Variants in AKT3 observed in about 807,000 individuals in gnomAD.
AKT3 encodes AKT serine/threonine kinase 3.
AKT3 carries 15 observed loss-of-function variants against 65.3 expected under a neutral mutation model. The observed-to-expected ratio is 0.23, with a 90% CI of 0.15 to 0.35. The LOEUF is 0.35. Ranked by LOEUF, AKT3 falls within the 10% of genes least tolerant of loss-of-function variation. The pLI is 1.00. For missense variants in AKT3, 243 were observed against 576.5 expected (o/e 0.42, Z 5.92); for synonymous variants, 206 against 183.8 (o/e 1.12, Z -0.98).
intron 2 of AKT3, among the ~76,000 whole-genome samples, chr1:243,753,120 C>T (rs1278047413): frequency 6.6e-6 from 1 of 152,170 alleles, no homozygotes; most frequent in East Asian, 1.9e-4. Context: ...CCTATATCAC[C>T]ATCCGATTTC....
At chr1:243,595,922 C>T (rs945374557) in intron 8 of AKT3, among the ~76,000 whole-genome samples, 1 of 152,136 alleles carries the variant, frequency 6.6e-6, no homozygotes, top group Non-Finnish European at 1.5e-5. Flanking sequence ...CATGTACTAT[C>T]ACAATCAAGT....
chr1:243,670,660 TA>T (rs1323513579), intron 3 of AKT3, among the ~76,000 whole-genome samples: 3 of 152,222 alleles, frequency 2.0e-5, no homozygotes, highest in Non-Finnish European at 2.9e-5. Flanking sequence ...ATCAGTAAAG[TA>T]AATGTGCTTA....
intron 2 of AKT3, among the ~76,000 whole-genome samples, chr1:243,733,899 T>C (rs74151209): frequency 0.01 from 1,554 of 152,308 alleles, 21 homozygotes; most frequent in African/African-American, 0.036. Flanking sequence ...AAATGCAATA[T>C]GTGCAAAGTG....
chr1:243,661,280 A>T (rs1019285374), intron 4 of AKT3, among the ~76,000 whole-genome samples: 66 of 152,352 alleles, frequency 4.3e-4, no homozygotes, highest in Admixed American at 6.5e-4. Context: ...ACAAAGCTGG[A>T]GGCATCATGC....
rs1179175188 is a variant in AKT3, at chr1:243,693,062, A to G, written c.172+2529T>C. On this transcript the variant is annotated intron_variant, in intron 3 of 13. Transcript: ENST00000673466. Reference sequence around the variant, plus strand: ...TAAATCAGGAGGGAAGCAATTCAAAATTTAATTAAGATTGGAAGTTCTCAA... The same window carrying G: ...TAAATCAGGAGGGAAGCAATTCAAAGTTTAATTAAGATTGGAAGTTCTCAA... Among the ~76,000 whole-genome samples, 9 of 151,458 alleles carry G rather than the reference A, an allele frequency of 5.9e-5. No individual in the cohort carries two copies. In the South Asian group the frequency reaches 1.2e-3, roughly 21 times the overall value.
chr1:243,770,522 G>A lies in AKT3; in HGVS notation c.46+72603C>T, dbSNP rs966869335. On this transcript the variant is annotated intron_variant, in intron 2 of 13. Transcript: ENST00000673466. Reference sequence around the variant, plus strand: ...CCAATGTGCCTGTCTGGGAGAAGCTGCATGTATATGAGAAGACAGAGATAG... The same window carrying A: ...CCAATGTGCCTGTCTGGGAGAAGCTACATGTATATGAGAAGACAGAGATAG... 2.6e-5 allele frequency among the ~76,000 whole-genome samples: 4 copies of A among 152,038 alleles called. No individual in the cohort carries two copies. The East Asian group carries it at 5.8e-4, about 22-fold the overall frequency.
At chr1:243,563,212 T>C (rs1334662916) in intron 10 of AKT3, among the ~76,000 whole-genome samples, 2 of 152,194 alleles carry the variant, frequency 1.3e-5, no homozygotes, top group African/African-American at 2.4e-5. Flanking sequence ...TAATAAATTA[T>C]TGTGGAACCC....
chr1:243,573,197 C>T, intron 8 of AKT3, 149 bp from the exon 9 acceptor site: 1 of 892,458 alleles, frequency 1.1e-6, no homozygotes, highest in South Asian at 3.2e-5. Flanking sequence ...CAGCAGCTGG[C>T]TTATCTTTTC....
Position 243,766,091 on chromosome 1 carries a change from G to T in AKT3, c.47-70375C>A, listed in dbSNP as rs185325516. ...TGTGCCTGTATTCTCAAAACTTATT[G>T]TAAGTCTGGCACAGAGTAAGTTTGA... On this transcript the variant is annotated intron_variant, in intron 2 of 13. Transcript: ENST00000673466. Among the ~76,000 whole-genome samples the T allele has an allele frequency of 1.5e-3, 233 of 152,208 alleles. 3 individuals carry two copies. Among genetic ancestry groups the T allele is most frequent in the South Asian group, 9.6e-3 (46 of 4,816 alleles).
chr1:243,850,045 A>ACGGCGG lies in AKT3; in HGVS notation c.-124_-119dup, dbSNP rs530666483. ...TTGGGGGCGGTGGCTGTTACCTGCA[A>ACGGCGG]CGGCGGCGGCGGCGGTGGCGGCCCC... On this transcript the variant is annotated 5_prime_UTR_variant, in exon 1 of 14. Transcript: ENST00000673466. The ACGGCGG allele has an allele frequency of 1.3e-3, 1,298 of 981,010 alleles. 1 individual carries two copies. The highest frequency in any genetic ancestry group is 1.5e-3 in the South Asian group (32 of 21,812). 60.8% of individuals were successfully genotyped at this position (981,010 alleles called of 1,614,324 possible).
chr1:243,601,701 T>C (rs1216205239), intron 8 of AKT3, among the ~76,000 whole-genome samples: 1 of 152,132 alleles, frequency 6.6e-6, no homozygotes, highest in Non-Finnish European at 1.5e-5. Flanking sequence ...CATATGACTG[T>C]ACATCACACA....
At position 243,501,009 on chromosome 1, in the gene AKT3, CTTTT is replaced by C. The variant is rs980677697; in HGVS notation, c.*4236_*4239del. On this transcript the variant is annotated 3_prime_UTR_variant, in exon 14 of 14. Transcript: ENST00000673466. ...CACCTTTAAAGAATTATAGAGGTCA[CTTTT>C]TTTTAGCCTCCTGGATCTGTCAACC... The C allele has an allele frequency of 1.3e-5, 3 of 228,266 alleles. No homozygotes were observed. The highest frequency in any genetic ancestry group is 1.1e-4 in the Admixed American group (2 of 17,568). 14.1% of individuals were successfully genotyped at this position (228,266 alleles called of 1,614,324 possible). A position where few individuals can be genotyped will look rare whatever the true frequency, so the allele number is the denominator to read the frequency against.
Position 243,512,236 on chromosome 1 carries a change from C to A in AKT3, c.1354+88G>T. 6.1e-6 allele frequency: 4 copies of A among 660,718 alleles called. 1 individual carries two copies. In the South Asian group the frequency reaches 9.0e-5, roughly 15 times the overall value. 40.9% of individuals were successfully genotyped at this position (660,718 alleles called of 1,614,324 possible). On this transcript the variant is annotated intron_variant, in intron 13 of 13. Transcript: ENST00000673466. ...CTGTGGAATTTGATCTTGAAAATAT[C>A]AGATGAGTTTTTAAAAGACTGTTTT... is the stretch of plus-strand genomic sequence containing the variant.
intron 4 of AKT3, among the ~76,000 whole-genome samples, chr1:243,661,942 AAC>A (rs1354974110): frequency 2.1e-5 from 2 of 95,926 alleles, no homozygotes; most frequent in Non-Finnish European, 4.6e-5. Flanking sequence ...GCAGCCAAAA[AAC>A]ACATGAAAAA....
chr1:243,600,685 A>G (rs1676942215), intron 8 of AKT3, among the ~76,000 whole-genome samples: 1 of 152,178 alleles, frequency 6.6e-6, no homozygotes, highest in Non-Finnish European at 1.5e-5. Flanking sequence ...CCTAAATGCA[A>G]GAGCTAAAAC....
intron 10 of AKT3, among the ~76,000 whole-genome samples, chr1:243,553,304 T>C (rs1335147165): frequency 6.6e-6 from 1 of 152,224 alleles, no homozygotes; most frequent in Non-Finnish European, 1.5e-5. Context: ...CCATGTGGAC[T>C]TCAAGTAACA....
At chr1:243,663,128 A>G (rs1682497754) in intron 4 of AKT3, among the ~76,000 whole-genome samples, 2 of 152,244 alleles carry the variant, frequency 1.3e-5, no homozygotes, top group Non-Finnish European at 2.9e-5. Context: ...GTTTTAAATG[A>G]GCAAGGAAGC....
intron 13 of AKT3, among the ~76,000 whole-genome samples, chr1:243,491,756 G>A (rs974440105): frequency 1.3e-5 from 2 of 152,152 alleles, no homozygotes; most frequent in Admixed American, 1.3e-4. Context: ...TGAGGGCTCC[G>A]GAGTGCTCAG....
chr1:243,509,356 T>C (rs1289050413), intron 13 of AKT3, among the ~76,000 whole-genome samples: 1 of 152,174 alleles, frequency 6.6e-6, no homozygotes, highest in Non-Finnish European at 1.5e-5. Context: ...AAATGCACAC[T>C]AATGACAAAT....
Sources: gnomAD v4.1 joint callset for allele counts (sites outside exome capture counted in the v4.1 genomes callset) on GRCh38, gnomAD v4.1.1 for gene constraint, MANE v1.5 for transcripts, NCBI Gene and HGNC (gene_info 2026-07-23, HGNC 2026-07-21) for gene names.